ZNF609: variants seen among roughly 807,000 people sequenced by gnomAD.
The protein encoded by ZNF609 is zinc finger protein 609.
Under a neutral mutation model 109.5 loss-of-function variants are expected in ZNF609, and 11 were observed. That is an observed-to-expected ratio of 0.10 (90% CI 0.06 to 0.17). The LOEUF is 0.17. ZNF609 is among the 10% of genes least tolerant of loss of function. The pLI, the probability that ZNF609 is intolerant of heterozygous loss-of-function variation, is 1.00. For missense variants in ZNF609, 1,559 were observed against 1,772.4 expected, an observed-to-expected ratio of 0.88 and a Z score of 2.16; for synonymous variants, 646 against 662.0, an observed-to-expected ratio of 0.98 and a Z score of 0.37.
chr15:64,593,049 C>G, intron 2 of ZNF609: 1 of 1,589,976 alleles, frequency 6.3e-7, no homozygotes, highest in African/African-American at 1.3e-5. Flanking sequence ...ATTCGCTGCA[C>G]TAACTGTGCC....
intron 1 of ZNF609, among the ~76,000 whole-genome samples, chr15:64,478,327 G>A (rs939146322): frequency 2.0e-5 from 3 of 151,832 alleles, no homozygotes; most frequent in African/African-American, 7.3e-5. Flanking sequence ...CAGCCTCCCA[G>A]GTAGCTGGGA....
In ZNF609 at chr15:64,678,121, A is replaced by G. The variant is rs1042846037; in HGVS notation, c.3408A>G (p.Ala1136=). The G allele has an allele frequency of 3.7e-6, 6 of 1,612,198 alleles. No individual in the cohort carries two copies. The African/African-American group carries it at 4.0e-5, about 11-fold the overall frequency. ...MDPILWYRQE[A]EPRMWTYVYP... is the part of the protein sequence containing the mutation. ...TTGTTCTGTGATTGTTGTAGGAGGCAGAGCCCCGGATGTGGACATATGTTT... is the reference window on the plus strand; with the variant it reads ...TTGTTCTGTGATTGTTGTAGGAGGCGGAGCCCCGGATGTGGACATATGTTT... The change falls in exon 6 of 10, where the codon GCA becomes GCG. Residue 1136 remains alanine, a synonymous_variant. Coordinates refer to ENST00000326648, the MANE Select transcript of ZNF609 (RefSeq NM_015042.2).
At chr15:64,630,669 T>C (rs1178938160) in intron 3 of ZNF609, among the ~76,000 whole-genome samples, 1 of 151,570 alleles carries the variant, frequency 6.6e-6, no homozygotes, top group African/African-American at 2.4e-5. Context: ...AGTTTCACCG[T>C]GTTAGCCAGG....
chr15:64,629,593 C>T (rs1896032406), intron 3 of ZNF609, among the ~76,000 whole-genome samples: 1 of 152,124 alleles, frequency 6.6e-6, no homozygotes, highest in South Asian at 2.1e-4. Context: ...CACCTGCCTC[C>T]CATCTTAGTC....
chr15:64,586,320 C>T (rs998729302), intron 2 of ZNF609, among the ~76,000 whole-genome samples: 1 of 144,866 alleles, frequency 6.9e-6, no homozygotes, highest in African/African-American at 2.7e-5. Context: ...GAGTGAAACT[C>T]GGTCTCAAAA....
intron 2 of ZNF609, among the ~76,000 whole-genome samples, chr15:64,563,583 G>A (rs184670747): frequency 6.6e-6 from 1 of 152,082 alleles, no homozygotes; most frequent in African/African-American, 2.4e-5. Context: ...TTCGAGGCCA[G>A]CCTGACCAAC....
intron 3 of ZNF609, among the ~76,000 whole-genome samples, chr15:64,651,870 T>C (rs1470273760): frequency 6.6e-6 from 1 of 152,196 alleles, no homozygotes; most frequent in Non-Finnish European, 1.5e-5. Context: ...GGGAAGGAAG[T>C]AGAGCTGTTT....
intron 2 of ZNF609, among the ~76,000 whole-genome samples, chr15:64,601,388 G>A (rs1895495925): frequency 6.6e-6 from 1 of 151,830 alleles, no homozygotes; most frequent in Non-Finnish European, 1.5e-5. Context: ...ACACACTCAT[G>A]TGGAAAGTTT....
At chr15:64,655,988 G>A (rs1373099128) in intron 3 of ZNF609, among the ~76,000 whole-genome samples, 1 of 152,152 alleles carries the variant, frequency 6.6e-6, no homozygotes, top group African/African-American at 2.4e-5. Context: ...TTAGAAAACA[G>A]CATGGATAAG....
intron 2 of ZNF609, among the ~76,000 whole-genome samples, chr15:64,527,193 A>G (rs1294632296): frequency 6.7e-6 from 1 of 150,332 alleles, no homozygotes; most frequent in Non-Finnish European, 1.5e-5. Flanking sequence ...CTTTCTGTTC[A>G]TCACATATTT....
intron 3 of ZNF609, among the ~76,000 whole-genome samples, chr15:64,653,383 G>A (rs1462406084): frequency 2.0e-5 from 3 of 152,094 alleles, no homozygotes; most frequent in East Asian, 1.9e-4. Flanking sequence ...AGTGGCTCAC[G>A]CCTGTAATCC....
chr15:64,681,085 C>T (rs1896878703), intron 8 of ZNF609, among the ~76,000 whole-genome samples: 1 of 151,940 alleles, frequency 6.6e-6, no homozygotes, highest in Non-Finnish European at 1.5e-5. Context: ...CTCTTAAATT[C>T]CTCCAGAATA....
rs1439520433 is a variant in ZNF609, at chr15:64,546,991, T to C, written c.747+46825T>C. 2.7e-5 allele frequency among the ~76,000 whole-genome samples: 4 copies of C among 150,842 alleles called. No individual in the cohort carries two copies. The East Asian group carries it at 7.9e-4, about 30-fold the overall frequency. On this transcript the variant is annotated intron_variant, in intron 2 of 9. Transcript: ENST00000326648. ...ATTTTTAGTAGAGATGGGGTTTCAC[T>C]GTGCTAGCCAGGATGGTCTGGATCT...
intron 2 of ZNF609, among the ~76,000 whole-genome samples, chr15:64,594,755 G>A (rs1035450774): frequency 2.6e-5 from 4 of 151,594 alleles, no homozygotes; most frequent in South Asian, 4.2e-4. Context: ...GGCCGGGCGC[G>A]GTGGCTCACG....
At chr15:64,559,115 T>C (rs1002619644) in intron 2 of ZNF609, among the ~76,000 whole-genome samples, 1 of 152,246 alleles carries the variant, frequency 6.6e-6, no homozygotes, top group Non-Finnish European at 1.5e-5. Context: ...ATTCCCAGGC[T>C]GAACTCTAAC....
intron 2 of ZNF609, among the ~76,000 whole-genome samples, chr15:64,580,362 G>C (rs1567020349): frequency 6.6e-6 from 1 of 152,138 alleles, no homozygotes; most frequent in Non-Finnish European, 1.5e-5. Context: ...CTGAGTTTAT[G>C]GTAATAGTTT....
chr15:64,598,780 A>ATATATC (rs1895443386), intron 2 of ZNF609, among the ~76,000 whole-genome samples: 5 of 133,226 alleles, frequency 3.8e-5, no homozygotes, highest in African/African-American at 1.5e-4. Flanking sequence ...ATATATATAT[A>ATATATC]TATATATCCT....
At chr15:64,554,231 G>A (rs942748452) in intron 2 of ZNF609, among the ~76,000 whole-genome samples, 1 of 151,956 alleles carries the variant, frequency 6.6e-6, no homozygotes, top group East Asian at 1.9e-4. Flanking sequence ...TTTCTTTTTC[G>A]GATTGAGAAA....
In ZNF609 at chr15:64,680,628, C is replaced by G; in HGVS notation, c.3946-18C>G. Reference sequence around the variant, plus strand: ...GTGTCTCACTATAGTGCTTTTGTGTCTCTGGTTTCCTTTCCAGATAAGTGA... The same window carrying G: ...GTGTCTCACTATAGTGCTTTTGTGTGTCTGGTTTCCTTTCCAGATAAGTGA... On this transcript the variant is annotated intron_variant, in intron 7 of 9. Transcript: ENST00000326648. 1 of 1,563,600 alleles carries G rather than the reference C, an allele frequency of 6.4e-7. No individual in the cohort carries two copies. Among genetic ancestry groups the G allele is most frequent in the Admixed American group, 1.8e-5 (1 of 56,300 alleles).
Sources: allele counts gnomAD v4.1 joint callset (sites outside exome capture counted in the v4.1 genomes callset), GRCh38; gene constraint gnomAD v4.1.1; transcripts MANE v1.5; gene names NCBI Gene and HGNC (gene_info 2026-07-23, HGNC 2026-07-21).